Variants in BRINP2 observed in about 807,000 individuals in gnomAD.
BRINP2 encodes the protein BMP/retinoic acid inducible neural specific 2.
Under a neutral mutation model 69.2 loss-of-function variants are expected in BRINP2, and 21 were observed. The ratio of observed to expected loss-of-function variants is 0.30; its 90% CI spans 0.22 to 0.44. The LOEUF is 0.44. BRINP2 is among the 20% of genes least tolerant of loss of function. The probability of loss-of-function intolerance (pLI) is 1.00; values close to 1 mark genes in which losing one functional copy is unlikely to be tolerated. For missense variants in BRINP2, 877 were observed against 986.0 expected, an observed-to-expected ratio of 0.89 and a Z score of 1.48; for synonymous variants, 380 against 394.1, an observed-to-expected ratio of 0.96 and a Z score of 0.42.
intron 1 of BRINP2, among the ~76,000 whole-genome samples, chr1:177,177,140 G>C (rs1472949261): frequency 2.0e-5 from 3 of 152,090 alleles, no homozygotes; most frequent in Admixed American, 1.3e-4. Context: ...AATTAGCTGG[G>C]CGTGGTGGTG....
chr1:177,215,065 C>T (rs1361839362), intron 1 of BRINP2, among the ~76,000 whole-genome samples: 1 of 152,186 alleles, frequency 6.6e-6, no homozygotes, highest in African/African-American at 2.4e-5. Context: ...CCAGTCTCCC[C>T]AGTCTTCAGC....
At chr1:177,181,522 G>C (rs1648247333) in intron 1 of BRINP2, among the ~76,000 whole-genome samples, 1 of 152,204 alleles carries the variant, frequency 6.6e-6, no homozygotes, top group African/African-American at 2.4e-5. Context: ...GGCAGGCCGG[G>C]GGACTGGGTT....
chr1:177,251,572 C>G (rs532715743), intron 2 of BRINP2, among the ~76,000 whole-genome samples: 1 of 152,274 alleles, frequency 6.6e-6, no homozygotes, highest in East Asian at 1.9e-4. Flanking sequence ...TGACTATTGT[C>G]ACCACCATCA....
chr1:177,222,366 C>T (rs1237631089), intron 1 of BRINP2, among the ~76,000 whole-genome samples: 4 of 152,050 alleles, frequency 2.6e-5, no homozygotes, highest in African/African-American at 9.7e-5. Flanking sequence ...GGCTGGAGTG[C>T]AATGGCACGA....
intron 1 of BRINP2, among the ~76,000 whole-genome samples, chr1:177,175,456 G>A (rs1648062960): frequency 6.6e-6 from 1 of 152,170 alleles, no homozygotes; most frequent in Non-Finnish European, 1.5e-5. Context: ...CTCCCACAGT[G>A]GGCATCTCTC....
chr1:177,228,882 A>G (rs1442787662), intron 1 of BRINP2, among the ~76,000 whole-genome samples: 1 of 152,246 alleles, frequency 6.6e-6, no homozygotes, highest in African/African-American at 2.4e-5. Context: ...TTTGAAGGCC[A>G]GAATCTTACT....
In BRINP2 at chr1:177,282,240, A is replaced by G. The variant is rs1558190955; in HGVS notation, c.*712A>G. The G allele has an allele frequency of 6.6e-6, 1 of 152,180 alleles. No individual in the cohort carries two copies. The highest frequency in any genetic ancestry group is 1.5e-5 in the Non-Finnish European group (1 of 68,010). 9.4% of individuals were successfully genotyped at this position (152,180 alleles called of 1,614,324 possible). On this transcript the variant is annotated 3_prime_UTR_variant, in exon 8 of 8. Transcript: ENST00000361539. Reference sequence around the variant, plus strand: ...GTGGTCCCTTCAGAGCTCCTTTCCAACAGCATCTCTCTGTCGAAGAAAGAA... The same window carrying G: ...GTGGTCCCTTCAGAGCTCCTTTCCAGCAGCATCTCTCTGTCGAAGAAAGAA...
chr1:177,218,635 A>G (rs1649441998), intron 1 of BRINP2, among the ~76,000 whole-genome samples: 1 of 152,132 alleles, frequency 6.6e-6, no homozygotes, highest in Non-Finnish European at 1.5e-5. Flanking sequence ...AAGCACCTCA[A>G]AATGCTGGGA....
chr1:177,230,358 G>T (rs1649830336), intron 2 of BRINP2, among the ~76,000 whole-genome samples: 1 of 152,196 alleles, frequency 6.6e-6, no homozygotes, highest in South Asian at 2.1e-4. Flanking sequence ...TGGAAAACCT[G>T]CTGATACCTC....
chr1:177,273,870 A>G (rs1048195871), intron 5 of BRINP2, among the ~76,000 whole-genome samples: 1 of 152,018 alleles, frequency 6.6e-6, no homozygotes, highest in African/African-American at 2.4e-5. Flanking sequence ...CTCTGTCACA[A>G]TCCTATAAGA....
At chr1:177,246,266 T>A (rs906759369) in intron 2 of BRINP2, among the ~76,000 whole-genome samples, 4 of 152,184 alleles carry the variant, frequency 2.6e-5, no homozygotes, top group Non-Finnish European at 5.9e-5. Context: ...TGGACAGTAC[T>A]CCCTGAGCTT....
rs558115114 is a variant in BRINP2, at chr1:177,198,032, G to A, written c.-77+26300G>A. ...ATGGATATGAATATGGTGATTTGCT[G>A]AGGGGGGAGTGCGACAGTGGTAAAT... On this transcript the variant is annotated intron_variant, in intron 1 of 7. Transcript: ENST00000361539. 1.2e-4 allele frequency among the ~76,000 whole-genome samples: 19 copies of A among 152,330 alleles called. No homozygotes were observed. In the South Asian group the frequency reaches 3.7e-3, roughly 30 times the overall value.
intron 1 of BRINP2, among the ~76,000 whole-genome samples, chr1:177,172,978 A>G (rs933807665): frequency 2.0e-5 from 3 of 152,184 alleles, no homozygotes; most frequent in African/African-American, 7.2e-5. Flanking sequence ...CTCTCTGACC[A>G]TGCTCGCTAA....
At chr1:177,241,222 C>T (rs974937369) in intron 2 of BRINP2, among the ~76,000 whole-genome samples, 16 of 152,298 alleles carry the variant, frequency 1.1e-4, no homozygotes, top group Non-Finnish European at 1.3e-4. Flanking sequence ...CCCCCTGCCT[C>T]GGCCTCCCAA....
chr1:177,280,547 A>T lies in BRINP2; in HGVS notation c.1371A>T (p.Pro457=). ...YDQSSCQGPI[P]CALGEGPACA... is the part of the protein sequence containing the mutation. ...AATCTTCCTGCCAGGGCCCCATCCC[A>T]TGTGCCTTGGGCGAAGGGCCCGCGT... Residue 457 remains proline, a synonymous_variant, in exon 8 of 8, where the codon CCA becomes CCT. Coordinates refer to ENST00000361539, the MANE Select transcript of BRINP2 (RefSeq NM_021165.4). 1.9e-6 allele frequency: 3 copies of T among 1,614,162 alleles called. No homozygotes were observed. Among genetic ancestry groups the T allele is most frequent in the Non-Finnish European group, 2.5e-6 (3 of 1,180,022 alleles).
At chr1:177,270,973 A>T (rs533647065) in intron 4 of BRINP2, among the ~76,000 whole-genome samples, 69 of 152,260 alleles carry the variant, frequency 4.5e-4, no homozygotes, top group African/African-American at 1.6e-3. Context: ...CCACTCACCC[A>T]ATAAAGAAAC....
Position 177,281,543 on chromosome 1 carries a change from C to G in BRINP2, c.*15C>G. 1 of 1,576,668 alleles carries G rather than the reference C, an allele frequency of 6.3e-7. No homozygotes were observed. Among genetic ancestry groups the G allele is most frequent in the Non-Finnish European group, 8.6e-7 (1 of 1,167,278 alleles). On this transcript the variant is annotated 3_prime_UTR_variant, in exon 8 of 8. Transcript: ENST00000361539. The stretch of plus-strand genomic sequence containing the variant: ...TCTGTAGCTAATGGGCGGCCCACTT[C>G]AGCACTGGGCAAGGAGGGGATCCAT...
At chr1:177,262,811 C>G (rs961354541) in intron 4 of BRINP2, among the ~76,000 whole-genome samples, 1 of 152,126 alleles carries the variant, frequency 6.6e-6, no homozygotes, top group African/African-American at 2.4e-5. Context: ...ATGAAATGGT[C>G]TTTTGAGAAT....
intron 2 of BRINP2, among the ~76,000 whole-genome samples, chr1:177,230,733 C>T (rs1649841451): frequency 6.6e-6 from 1 of 152,206 alleles, no homozygotes; most frequent in South Asian, 2.1e-4. Context: ...CTCCTGAGAC[C>T]TGCCTAATCC....
Sources: allele counts gnomAD v4.1 joint callset (sites outside exome capture counted in the v4.1 genomes callset), GRCh38; gene constraint gnomAD v4.1.1; transcripts MANE v1.5; gene names NCBI Gene and HGNC (gene_info 2026-07-23, HGNC 2026-07-21).